CD200: variants seen among roughly 807,000 people sequenced by gnomAD.
The protein encoded by CD200 is OX-2 membrane glycoprotein.
Under a neutral mutation model 30.9 loss-of-function variants are expected in CD200, and 15 were observed. The ratio of observed to expected loss-of-function variants is 0.49; its 90% CI spans 0.32 to 0.75. The LOEUF (loss-of-function observed/expected upper bound fraction) is 0.75, where lower values mean the gene tolerates loss of function less well. CD200 is among the 30% of genes least tolerant of loss of function. The pLI is 0.03. For synonymous variants in CD200, 134 were observed against 126.2 expected (o/e 1.06, Z -0.41); for missense variants, 262 against 324.2 (o/e 0.81, Z 1.47).
At chr3:112,358,521 T>G (rs1250799432) in intron 5 of CD200, among the ~76,000 whole-genome samples, 2 of 152,238 alleles carry the variant, frequency 1.3e-5, no homozygotes, top group Admixed American at 6.5e-5. Flanking sequence ...GAAACTGTTT[T>G]GCTTAGACAT....
intron 5 of CD200, among the ~76,000 whole-genome samples, chr3:112,355,187 G>A (rs1387929374): frequency 6.6e-6 from 1 of 152,128 alleles, no homozygotes; most frequent in Non-Finnish European, 1.5e-5. Flanking sequence ...ACCTCCCAGT[G>A]GAAGCATTCT....
intron 1 of CD200, among the ~76,000 whole-genome samples, chr3:112,340,159 C>T (rs545066451): frequency 6.6e-6 from 1 of 152,140 alleles, no homozygotes. Flanking sequence ...GAAAAAGTTA[C>T]ATTTCTTTCC....
At chr3:112,351,197 C>A (rs942924268) in intron 5 of CD200, among the ~76,000 whole-genome samples, 4 of 152,186 alleles carry the variant, frequency 2.6e-5, no homozygotes, top group Non-Finnish European at 5.9e-5. Context: ...TAGGACTAAA[C>A]CCCGGTGCCC....
intron 5 of CD200, among the ~76,000 whole-genome samples, chr3:112,351,863 C>G (rs2081538409): frequency 6.6e-6 from 1 of 152,104 alleles, no homozygotes; most frequent in South Asian, 2.1e-4. Context: ...AAAGGGGAGC[C>G]AGTGTGTGCA....
chr3:112,334,214 A>T, intron 1 of CD200: 1 of 985,314 alleles, frequency 1.0e-6, no homozygotes, highest in African/African-American at 1.7e-5. Context: ...TTGTGACTAC[A>T]TGTGGGGTAA....
At chr3:112,338,087 A>G (rs6438068) in intron 1 of CD200, among the ~76,000 whole-genome samples, 138,634 of 152,222 alleles carry the variant, frequency 0.91, 63,168 homozygotes, top group Middle Eastern at 0.97. Flanking sequence ...GATACGGTGG[A>G]CCAACTATAC....
intron 2 of CD200, among the ~76,000 whole-genome samples, chr3:112,342,675 G>A (rs541031817): frequency 3.0e-4 from 45 of 151,932 alleles, no homozygotes; most frequent in East Asian, 1.5e-3. Context: ...CACTCGCCTC[G>A]GCCTCCCAAA....
At chr3:112,341,124 G>A (rs920650263) in intron 2 of CD200, 141 bp downstream of exon 2, 1 of 494,026 alleles carries the variant, frequency 2.0e-6, no homozygotes, top group African/African-American at 2.0e-5. Flanking sequence ...TGGAGGAGTG[G>A]ACGTGGTTCT....
At position 112,345,059 on chromosome 3, in the gene CD200, G is replaced by A. The variant is rs2081353508; in HGVS notation, c.192G>A (p.Trp64Ter). 1.2e-6 allele frequency: 2 copies of A among 1,613,924 alleles called. No homozygotes were observed. Among genetic ancestry groups the A allele is most frequent in the Non-Finnish European group, 1.7e-6 (2 of 1,179,984 alleles). Residue 64 changes from tryptophan (W) to a stop codon, truncating the protein, a stop_gained, in exon 3 of 6, where the codon TGG becomes TGA. Coordinates refer to ENST00000315711, the MANE Select transcript of CD200 (RefSeq NM_005944.7). LOFTEE classifies it high-confidence loss of function. ...QNAQEALIVT[W>*]QKKKAVSPEN... ...CCCAGGAAGCCCTCATTGTGACATG[G>A]CAGAAAAAGAAAGCTGTAAGCCCAG... is the stretch of plus-strand genomic sequence containing the variant.
intron 3 of CD200, 105 bp downstream of exon 3, chr3:112,345,393 G>A (rs1339008026): frequency 3.4e-6 from 3 of 882,672 alleles, no homozygotes; most frequent in Non-Finnish European, 5.4e-6. Flanking sequence ...ACCACAGAAA[G>A]GGTCATGAGA....
chr3:112,343,465 G>C (rs1295603997), intron 2 of CD200, among the ~76,000 whole-genome samples: 1 of 151,938 alleles, frequency 6.6e-6, no homozygotes. Context: ...CGCTACGGCT[G>C]GCTAATTTTT....
intron 5 of CD200, among the ~76,000 whole-genome samples, chr3:112,359,003 A>G (rs1576628913): frequency 6.6e-6 from 1 of 152,250 alleles, no homozygotes; most frequent in Non-Finnish European, 1.5e-5. Context: ...CACATTCTCT[A>G]CAAGTGTCCT....
chr3:112,357,500 AT>A (rs1267325467), intron 5 of CD200, among the ~76,000 whole-genome samples: 1 of 152,174 alleles, frequency 6.6e-6, no homozygotes, highest in Non-Finnish European at 1.5e-5. Context: ...ACAGATGTTC[AT>A]TTTTGTAATT....
chr3:112,357,366 T>C (rs2081647980), intron 5 of CD200, among the ~76,000 whole-genome samples: 1 of 152,118 alleles, frequency 6.6e-6, no homozygotes, highest in African/African-American at 2.4e-5. Flanking sequence ...TGTTTATTTG[T>C]AGCTGTCGCC....
At chr3:112,347,373 C>T (rs2081422100) in intron 3 of CD200, among the ~76,000 whole-genome samples, 185 bp from the exon 4 acceptor site, 1 of 152,168 alleles carries the variant, frequency 6.6e-6, no homozygotes, top group Non-Finnish European at 1.5e-5. Flanking sequence ...AGTCTCCATC[C>T]TGCAGATCAG....
intron 3 of CD200, 31 bp downstream of exon 3, chr3:112,345,319 CT>C: frequency 3.9e-6 from 6 of 1,544,486 alleles, no homozygotes; most frequent in Non-Finnish European, 5.4e-6. Flanking sequence ...TTGTCTGTGT[CT>C]GGAAATACTA....
intron 5 of CD200, among the ~76,000 whole-genome samples, chr3:112,357,384 G>A (rs77390422): frequency 6.3e-4 from 96 of 152,170 alleles, no homozygotes; most frequent in African/African-American, 2.1e-3. Context: ...GCCAACTTCC[G>A]TGAAGTAAAT....
At chr3:112,337,836 CAA>C (rs1473235251) in intron 1 of CD200, among the ~76,000 whole-genome samples, 1 of 152,146 alleles carries the variant, frequency 6.6e-6, no homozygotes, top group Non-Finnish European at 1.5e-5. Flanking sequence ...GTGGATGGTG[CAA>C]GTCCCTTATA....
At position 112,361,758 on chromosome 3, in the gene CD200, C is replaced by G; in HGVS notation, c.*208C>G. ...GAGGAAGTCAGTTTACCTCTCAGGT[C>G]TGTTGTAGGACTTGATTTTGTAAAG... On this transcript the variant is annotated 3_prime_UTR_variant, in exon 6 of 6. Coordinates refer to ENST00000315711, the MANE Select transcript of CD200 (RefSeq NM_005944.7). The G allele has an allele frequency of 1.6e-6, 1 of 627,814 alleles. No homozygotes were observed. Among genetic ancestry groups the G allele is most frequent in the Non-Finnish European group, 2.9e-6 (1 of 346,976 alleles). 38.9% of individuals were successfully genotyped at this position (627,814 alleles called of 1,614,324 possible).
Sources: allele counts gnomAD v4.1 joint callset (sites outside exome capture counted in the v4.1 genomes callset), GRCh38; gene constraint gnomAD v4.1.1; transcripts MANE v1.5; gene names NCBI Gene and HGNC (gene_info 2026-07-23, HGNC 2026-07-21).